SLC30A7: variants seen among roughly 807,000 people sequenced by gnomAD.
SLC30A7 encodes the protein zinc transporter 7.
Under a neutral mutation model 46.0 loss-of-function variants are expected in SLC30A7, and 35 were observed. That is an observed-to-expected ratio of 0.76 (90% CI 0.58 to 1.01). The LOEUF is 1.01. Ranked by LOEUF, SLC30A7 falls within the 50% of genes least tolerant of loss-of-function variation. The pLI is 0.00. For missense variants in SLC30A7, 464 were observed against 451.1 expected (o/e 1.03, Z -0.26); for synonymous variants, 147 against 157.8 (o/e 0.93, Z 0.51).
At chr1:100,931,655 G>A (rs1339431628) in intron 8 of SLC30A7, among the ~76,000 whole-genome samples, 1 of 152,060 alleles carries the variant, frequency 6.6e-6, no homozygotes, top group Non-Finnish European at 1.5e-5. Flanking sequence ...ATTGTTTCTT[G>A]TGGGAAATCG....
chr1:100,903,924 A>G (rs1470883525), intron 2 of SLC30A7, among the ~76,000 whole-genome samples: 2 of 152,176 alleles, frequency 1.3e-5, no homozygotes, highest in Non-Finnish European at 2.9e-5. Context: ...GTGCTTGGGA[A>G]CACCAGGTAT....
At chr1:100,927,863 C>T (rs138567596) in intron 8 of SLC30A7, among the ~76,000 whole-genome samples, 1 of 150,884 alleles carries the variant, frequency 6.6e-6, no homozygotes, top group East Asian at 1.9e-4. Flanking sequence ...ATCTAATCCA[C>T]TGAGCCTATC....
At chr1:100,965,731 C>CTTG (rs779985006) in intron 9 of SLC30A7, 38 bp from the exon 10 acceptor site, 16 of 1,581,224 alleles carry the variant, frequency 1.0e-5, no homozygotes, top group Admixed American at 1.7e-5. Context: ...GAGTGCTTAA[C>CTTG]TTGATTATGA....
intron 8 of SLC30A7, among the ~76,000 whole-genome samples, chr1:100,939,370 A>G (rs1654199322): frequency 1.3e-5 from 2 of 152,242 alleles, no homozygotes; most frequent in Non-Finnish European, 1.5e-5. Flanking sequence ...TTCTTTATAT[A>G]TATAAACAAA....
At chr1:100,915,168 TTTC>T (rs1392461951) in intron 6 of SLC30A7, among the ~76,000 whole-genome samples, 4 of 150,192 alleles carry the variant, frequency 2.7e-5, no homozygotes, top group Non-Finnish European at 5.9e-5. Flanking sequence ...CCTCACTTCT[TTTC>T]TTTTTTCTTT....
intron 8 of SLC30A7, among the ~76,000 whole-genome samples, chr1:100,946,757 A>G (rs6667818): frequency 1.3e-5 from 2 of 151,760 alleles, no homozygotes; most frequent in Non-Finnish European, 2.9e-5. Context: ...TTTTTTTTGT[A>G]GTGTCTCTGC....
chr1:100,933,341 G>A (rs995827919), intron 8 of SLC30A7, among the ~76,000 whole-genome samples: 2 of 151,756 alleles, frequency 1.3e-5, no homozygotes, highest in Admixed American at 1.3e-4. Context: ...TGCTGCCCCT[G>A]TACCTTTGCT....
At position 100,964,615 on chromosome 1, in the gene SLC30A7, C is replaced by T. The variant is rs111992658; in HGVS notation, c.934-1154C>T. On this transcript the variant is annotated intron_variant, in intron 9 of 10. Transcript: ENST00000357650. ...TTTTCATCTGTAACTACACTGTCCT[C>T]CCATTTTTTAATTTGTAAAATTAAG... Among the ~76,000 whole-genome samples the T allele has an allele frequency of 6.3e-3, 966 of 152,134 alleles. 16 individuals carry two copies. Among genetic ancestry groups the T allele is most frequent in the African/African-American group, 0.02 (837 of 41,522 alleles).
At chr1:100,948,834 T>C (rs1004222099) in intron 8 of SLC30A7, among the ~76,000 whole-genome samples, 3 of 152,376 alleles carry the variant, frequency 2.0e-5, no homozygotes, top group Admixed American at 2.0e-4. Flanking sequence ...AAATTGGCTA[T>C]TGAAGCTTGT....
At chr1:100,899,248 T>C (rs1216243880) in intron 2 of SLC30A7, among the ~76,000 whole-genome samples, 1 of 152,216 alleles carries the variant, frequency 6.6e-6, no homozygotes, top group Non-Finnish European at 1.5e-5. Context: ...GCTTAATACA[T>C]ATTTGCTAAA....
chr1:100,900,612 T>C (rs1253864517), intron 2 of SLC30A7, among the ~76,000 whole-genome samples: 31 of 152,198 alleles, frequency 2.0e-4, no homozygotes, highest in Admixed American at 2.0e-3. Context: ...CCATTTTGCT[T>C]AGAATTTTTT....
chr1:100,966,332 C>G (rs766862863), intron 10 of SLC30A7, among the ~76,000 whole-genome samples: 19 of 151,570 alleles, frequency 1.3e-4, no homozygotes, highest in Non-Finnish European at 8.8e-5. Flanking sequence ...ACCTGTAATC[C>G]CAGTGCTTTG....
At chr1:100,942,563 CAG>C (rs1654412593) in intron 8 of SLC30A7, among the ~76,000 whole-genome samples, 2 of 152,170 alleles carry the variant, frequency 1.3e-5, no homozygotes, top group African/African-American at 4.8e-5. Flanking sequence ...TCGAAAGAAT[CAG>C]AGTCTAGCTT....
At chr1:100,937,761 CTTAA>C (rs1485539465) in intron 8 of SLC30A7, among the ~76,000 whole-genome samples, 1 of 151,920 alleles carries the variant, frequency 6.6e-6, no homozygotes, top group Non-Finnish European at 1.5e-5. Context: ...CATGATTTGC[CTTAA>C]TTTTCATGTT....
chr1:100,935,766 T>C (rs1310362021), intron 8 of SLC30A7, among the ~76,000 whole-genome samples: 2 of 152,226 alleles, frequency 1.3e-5, no homozygotes, highest in African/African-American at 4.8e-5. Flanking sequence ...GTTTTTACTA[T>C]TGTTTGACAA....
intron 8 of SLC30A7, among the ~76,000 whole-genome samples, chr1:100,926,398 G>A (rs1174719005): frequency 1.3e-5 from 2 of 152,036 alleles, no homozygotes; most frequent in African/African-American, 4.8e-5. Context: ...TTACAGTCAT[G>A]GTGGAAGGTG....
intron 10 of SLC30A7, chr1:100,972,653 A>G (rs1289787508): frequency 6.6e-6 from 1 of 152,172 alleles, no homozygotes; most frequent in African/African-American, 2.4e-5. Flanking sequence ...ATTTATTTGA[A>G]CAATATTTGT....
chr1:100,925,518 C>T (rs1195601222), intron 8 of SLC30A7, among the ~76,000 whole-genome samples: 2 of 152,056 alleles, frequency 1.3e-5, no homozygotes, highest in Non-Finnish European at 2.9e-5. Context: ...AGGTACTAAC[C>T]TTAGAAATGG....
intron 6 of SLC30A7, among the ~76,000 whole-genome samples, chr1:100,915,244 TCTTTCTTTCTTC>T (rs1346883777): frequency 7.2e-5 from 10 of 139,770 alleles, no homozygotes; most frequent in Non-Finnish European, 1.3e-4. Context: ...TTTCTTTCTT[TCTTTCTTTCTTC>T]CTTTCTTTCT....
Sources: allele counts gnomAD v4.1 joint callset (sites outside exome capture counted in the v4.1 genomes callset), GRCh38; gene constraint gnomAD v4.1.1; transcripts MANE v1.5; gene names NCBI Gene and HGNC (gene_info 2026-07-23, HGNC 2026-07-21).